Variants in CDH13 observed in about 807,000 individuals in gnomAD.
The protein encoded by CDH13 is cadherin-13.
A neutral mutation model predicts 63.8 loss-of-function variants in CDH13; 24 were observed. The observed-to-expected ratio is 0.38, with a 90% CI of 0.27 to 0.53. CDH13 has a LOEUF of 0.53. Ranked by LOEUF, CDH13 falls within the 20% of genes least tolerant of loss-of-function variation. The pLI is 0.85. For synonymous variants in CDH13, 503 were observed against 355.3 expected, an observed-to-expected ratio of 1.42 and a Z score of -4.67; for missense variants, 1,049 against 903.1, an observed-to-expected ratio of 1.16 and a Z score of -2.07.
chr16:83,397,527 G>A (rs573569145), intron 6 of CDH13: 5 of 152,350 alleles, frequency 3.3e-5, no homozygotes, highest in African/African-American at 1.2e-4. Context: ...AGAGAAGAAA[G>A]ACGCATTATT....
intron 5 of CDH13, among the ~76,000 whole-genome samples, chr16:83,231,677 T>G (rs2040000846): frequency 2.0e-5 from 3 of 152,168 alleles, no homozygotes; most frequent in Non-Finnish European, 2.9e-5. Context: ...CAGAGTTGAA[T>G]AGTTGTCAGA....
chr16:83,435,265 A>C (rs1185966218), intron 6 of CDH13, among the ~76,000 whole-genome samples: 1 of 152,042 alleles, frequency 6.6e-6, no homozygotes, highest in African/African-American at 2.4e-5. Context: ...GCTTGTCTCA[A>C]ACTCCTGACT....
At chr16:82,635,691 A>T (rs1908568184) in intron 1 of CDH13, among the ~76,000 whole-genome samples, 1 of 152,184 alleles carries the variant, frequency 6.6e-6, no homozygotes, top group Non-Finnish European at 1.5e-5. Flanking sequence ...GACGGTGCAG[A>T]GATGGGGCAG....
chr16:83,335,616 C>G (rs2090576000), intron 5 of CDH13, among the ~76,000 whole-genome samples: 1 of 152,152 alleles, frequency 6.6e-6, no homozygotes, highest in Non-Finnish European at 1.5e-5. Context: ...ATGAAATCCG[C>G]AAGCAGACGG....
intron 5 of CDH13, among the ~76,000 whole-genome samples, chr16:83,286,365 GC>G (rs1430170153): frequency 6.6e-6 from 1 of 152,164 alleles, no homozygotes; most frequent in Admixed American, 6.5e-5. Flanking sequence ...GCATCTGCTA[GC>G]CCCTGTGGTA....
At chr16:82,773,902 G>C (rs893116437) in intron 1 of CDH13, among the ~76,000 whole-genome samples, 5 of 151,690 alleles carry the variant, frequency 3.3e-5, no homozygotes, top group African/African-American at 1.2e-4. Context: ...TCCTGCTTCA[G>C]CCTCCCAAGT....
At chr16:82,639,848 G>C (rs1473377474) in intron 1 of CDH13, among the ~76,000 whole-genome samples, 2 of 152,200 alleles carry the variant, frequency 1.3e-5, no homozygotes, top group African/African-American at 4.8e-5. Flanking sequence ...TCCTGTTCTG[G>C]TGGACAGACA....
chr16:82,963,830 T>G (rs1335647222), intron 2 of CDH13, among the ~76,000 whole-genome samples: 1 of 152,174 alleles, frequency 6.6e-6, no homozygotes, highest in Non-Finnish European at 1.5e-5. Flanking sequence ...CCTGCCTGAC[T>G]TCTGAAGCCC....
At chr16:82,800,638 C>G (rs1040109761) in intron 1 of CDH13, among the ~76,000 whole-genome samples, 1 of 152,216 alleles carries the variant, frequency 6.6e-6, no homozygotes, top group African/African-American at 2.4e-5. Flanking sequence ...GCCAGCTCTA[C>G]ATGATTTGGA....
rs971023031 is a variant in CDH13, at chr16:83,209,783, C to T, written c.484-7562C>T. Among the ~76,000 whole-genome samples, 4 of 152,050 alleles carry T rather than the reference C, an allele frequency of 2.6e-5. 1 individual carries two copies. The highest frequency in any genetic ancestry group is 2.9e-5 in the Non-Finnish European group (2 of 67,986). ...ACCTTGCAGGCGAGGAGGGCTAGAG[C>T]TCAGGTGGATGAGGTTAAGTCTGCA... On this transcript the variant is annotated intron_variant, in intron 4 of 13. Coordinates refer to ENST00000567109, the MANE Select transcript of CDH13 (RefSeq NM_001257.5).
chr16:83,703,530 C>T (rs1031680978), intron 10 of CDH13, among the ~76,000 whole-genome samples: 29 of 152,272 alleles, frequency 1.9e-4, no homozygotes, highest in South Asian at 8.3e-4. Flanking sequence ...AGTTGGTAAA[C>T]GGTACGATTC....
chr16:83,229,002 G>C (rs1233800493), intron 5 of CDH13, among the ~76,000 whole-genome samples: 5 of 152,098 alleles, frequency 3.3e-5, no homozygotes, highest in Admixed American at 2.0e-4. Flanking sequence ...CAAACTCATA[G>C]TGAAGATATT....
chr16:82,646,487 C>A (rs948227791), intron 1 of CDH13, among the ~76,000 whole-genome samples: 1 of 152,150 alleles, frequency 6.6e-6, no homozygotes, highest in Non-Finnish European at 1.5e-5. Context: ...AGTCACCGCG[C>A]CTGGCCTAAG....
chr16:82,857,815 T>G (rs2039764653), intron 1 of CDH13, among the ~76,000 whole-genome samples: 1 of 152,126 alleles, frequency 6.6e-6, no homozygotes, highest in African/African-American at 2.4e-5. Flanking sequence ...CCAGTGTGTA[T>G]TTTATACTTA....
At chr16:83,154,106 A>C (rs2037104627) in intron 4 of CDH13, among the ~76,000 whole-genome samples, 1 of 152,162 alleles carries the variant, frequency 6.6e-6, no homozygotes, top group Admixed American at 6.5e-5. Context: ...AGTCACAGTC[A>C]CATGTTCCAT....
chr16:82,644,481 A>G lies in CDH13; in HGVS notation c.45+17344A>G, dbSNP rs1056237105. 4.6e-5 allele frequency among the ~76,000 whole-genome samples: 7 copies of G among 152,162 alleles called. No individual in the cohort carries two copies. The highest frequency in any genetic ancestry group is 1.3e-4 in the Admixed American group (2 of 15,282). The stretch of plus-strand genomic sequence containing the variant: ...TTTGTCATGTTGAAAATGCTGAGTG[A>G]CAAAGCCATTAGCCATGCACAGTGA... On this transcript the variant is annotated intron_variant, in intron 1 of 13. Coordinates refer to ENST00000567109, the MANE Select transcript of CDH13 (RefSeq NM_001257.5). The surrounding 1 kb of genome is among the most constrained non-coding windows in gnomAD (Gnocchi z 5.7).
chr16:83,786,160 T>C (rs1244873858), intron 13 of CDH13, among the ~76,000 whole-genome samples: 1 of 152,132 alleles, frequency 6.6e-6, no homozygotes, highest in Non-Finnish European at 1.5e-5. Context: ...CTTACAGAAT[T>C]AAAATGTGAA....
At position 82,969,349 on chromosome 16, in the gene CDH13, C is replaced by T. The variant is rs1045949023; in HGVS notation, c.158-62661C>T. On this transcript the variant is annotated intron_variant, in intron 2 of 13. Coordinates refer to ENST00000567109, the MANE Select transcript of CDH13 (RefSeq NM_001257.5). The stretch of plus-strand genomic sequence containing the variant: ...ATAGAACTTTATTCATATAAATAGA[C>T]GTGGGGCTGAATTTTACCCTAGGGC... Among the ~76,000 whole-genome samples the T allele has an allele frequency of 5.3e-5, 8 of 152,160 alleles. No homozygotes were observed. In the South Asian group the frequency reaches 6.2e-4, roughly 12 times the overall value.
intron 1 of CDH13, among the ~76,000 whole-genome samples, chr16:82,668,563 C>G (rs1048396886): frequency 6.6e-6 from 1 of 152,134 alleles, no homozygotes; most frequent in African/African-American, 2.4e-5. Flanking sequence ...GTGCTATGTA[C>G]TTTAGCATCA....
Sources: gnomAD v4.1 joint callset for allele counts (sites outside exome capture counted in the v4.1 genomes callset) on GRCh38, gnomAD v4.1.1 for gene constraint, Gnocchi (gnomAD v3.1) non-coding constraint, MANE v1.5 for transcripts, NCBI Gene and HGNC (gene_info 2026-07-23, HGNC 2026-07-21) for gene names.